Variants in FLG2 observed in about 807,000 individuals in gnomAD.
FLG2 encodes the protein filaggrin-2.
FLG2 carries 7 observed loss-of-function variants against 3.9 expected under a neutral mutation model. That is an observed-to-expected ratio of 1.79 (90% CI 1.02 to 3.36). The LOEUF (loss-of-function observed/expected upper bound fraction) is 3.36. FLG2 is among the 30% of genes most tolerant of loss of function. The pLI, the probability that FLG2 is intolerant of heterozygous loss-of-function variation, is 0.00. For missense variants in FLG2, 2,700 were observed against 2,809.4 expected (o/e 0.96, Z 0.88); for synonymous variants, 1,031 against 1,056.1 (o/e 0.98, Z 0.46).
rs757790108 is a variant in FLG2 at position 152,352,247 on chromosome 1, TA to T, written c.5538del (p.Thr1847LeufsTer555). ...SESIVDERHG[T>X]THGQTGDTSG... Reference sequence around the variant, plus strand: ...CTGGTATCTCCTGTCTGTCCATGAGTAGTTCCATGTCTCTCGTCAACTATGG... The same window carrying T: ...CTGGTATCTCCTGTCTGTCCATGAGTGTTCCATGTCTCTCGTCAACTATGG... On this transcript the variant is annotated frameshift_variant, in exon 3 of 3. Coordinates refer to ENST00000388718, the MANE Select transcript of FLG2 (RefSeq NM_001014342.3). LOFTEE classifies it low-confidence loss of function (END_TRUNC). The T allele has an allele frequency of 6.2e-7, 1 of 1,613,882 alleles. No homozygotes were observed. The highest frequency in any genetic ancestry group is 2.2e-5 in the East Asian group (1 of 44,854).
At position 152,350,025 on chromosome 1, in the gene FLG2, T is replaced by A. The variant is rs985544919; in HGVS notation, c.*585A>T. On this transcript the variant is annotated 3_prime_UTR_variant, in exon 3 of 3. Transcript: ENST00000388718. The stretch of plus-strand genomic sequence containing the variant: ...TATCATTTGATTGGCCATGGCTGTA[T>A]ACTTGTCTTTCATTGGTACTGAATC... 10 of 157,520 alleles carry A rather than the reference T, an allele frequency of 6.3e-5. No individual in the cohort carries two copies. The highest frequency in any genetic ancestry group is 2.4e-4 in the African/African-American group (10 of 41,476). 9.8% of individuals were successfully genotyped at this position (157,520 alleles called of 1,614,324 possible). A position where few individuals can be genotyped will look rare whatever the true frequency, so the allele number is the denominator to read the frequency against.
rs1225694337 is a variant in FLG2 at position 152,352,746 on chromosome 1, T to C, written c.5040A>G (p.Gln1680=). 6.2e-7 allele frequency: 1 copy of C among 1,609,578 alleles called. No homozygotes were observed. Among genetic ancestry groups the C allele is most frequent in the African/African-American group, 1.3e-5 (1 of 74,820 alleles). ...TGHTHGQAGS[Q]HGQSESIVPE... is the part of the protein sequence containing the mutation. ...GAACTATGGATTCTGACTGTCCATGTTGAGATCCAGCTTGACCATGAGTGT... is the reference window on the plus strand; with the variant it reads ...GAACTATGGATTCTGACTGTCCATGCTGAGATCCAGCTTGACCATGAGTGT... Residue 1680 remains glutamine, a synonymous_variant, in exon 3 of 3, where the codon CAA becomes CAG. Transcript: ENST00000388718.
rs961111246 is a variant in FLG2 at position 152,356,260 on chromosome 1, C to A, written c.1526G>T (p.Gly509Val). 60 of 1,612,950 alleles carry A rather than the reference C, an allele frequency of 3.7e-5. No individual in the cohort carries two copies. The highest frequency in any genetic ancestry group is 4.7e-5 in the Non-Finnish European group (56 of 1,179,730). ...SGQSSGFGQH[G>V]SVSGQSSGFG... is the part of the protein sequence containing the mutation. ...ACCAGAGGATTGTCCTGAGACAGACCCATGCTGTCCAAAGCCAGAGGACTG... is the reference window on the plus strand; with the variant it reads ...ACCAGAGGATTGTCCTGAGACAGACACATGCTGTCCAAAGCCAGAGGACTG... Residue 509 changes from glycine to valine, a missense_variant, in exon 3 of 3, where the codon GGG becomes GTG. Physicochemically the swap from Gly to Val is moderately radical, Grantham distance 109. Coordinates refer to ENST00000388718, the MANE Select transcript of FLG2 (RefSeq NM_001014342.3).
At chr1:152,358,939 C>A in intron 1 of FLG2, 33 bp from the exon 2 acceptor site, 1 of 1,536,542 alleles carries the variant, frequency 6.5e-7, no homozygotes, top group South Asian at 1.3e-5. Flanking sequence ...CCCTATTATT[C>A]ATATTCTCTC....
At chr1:152,357,792 C>T in intron 2 of FLG2, 145 bp from the exon 3 acceptor site, 1 of 626,244 alleles carries the variant, frequency 1.6e-6, no homozygotes, top group Non-Finnish European at 2.8e-6. Flanking sequence ...TTAATAGAAC[C>T]CAGTAAATGT....
chr1:152,359,260 G>A (rs1188132660), intron 1 of FLG2, among the ~76,000 whole-genome samples: 2 of 152,122 alleles, frequency 1.3e-5, no homozygotes, highest in South Asian at 2.1e-4. Flanking sequence ...TCCAGAACCA[G>A]CCAGACACCA....
Position 152,354,344 on chromosome 1 carries a change from A to T in FLG2, c.3442T>A (p.Ser1148Thr), listed in dbSNP as rs1654103584. The change falls in exon 3 of 3, where the codon TCA (serine) becomes ACA (threonine). Residue 1148 changes from serine (S) to threonine (T), a missense_variant. Transcript: ENST00000388718. Reference protein sequence around the residue: ...SSGFAQHEYRSGQSSYGQHGT... With the variant: ...SSGFAQHEYRTGQSSYGQHGT... Reference sequence around the variant, plus strand: ...TGTTGGCCATAGCTAGACTGACCTGATCTGTACTCATGCTGTGCAAAGCCA... The same window carrying T: ...TGTTGGCCATAGCTAGACTGACCTGTTCTGTACTCATGCTGTGCAAAGCCA... The T allele has an allele frequency of 6.2e-7, 1 of 1,613,918 alleles. No homozygotes were observed. The highest frequency in any genetic ancestry group is 1.3e-5 in the African/African-American group (1 of 74,860).
chr1:152,352,014 T>C lies in FLG2; in HGVS notation c.5772A>G (p.Gly1924=). The part of the protein sequence containing the change: ...TVHKRHQTTH[G]QTGDTTEHGH... ...CATGTTCAGTGGTATCTCCTGTCTG[T>C]CCATGAGTAGTTTGGTGTCTCTTGT... is the stretch of plus-strand genomic sequence containing the variant. The change falls in exon 3 of 3, where the codon GGA becomes GGG. Residue 1924 remains glycine, a synonymous_variant. Coordinates refer to ENST00000388718, the MANE Select transcript of FLG2 (RefSeq NM_001014342.3). 1 of 1,613,974 alleles carries C rather than the reference T, an allele frequency of 6.2e-7. No individual in the cohort carries two copies. The highest frequency in any genetic ancestry group is 8.5e-7 in the Non-Finnish European group (1 of 1,179,972).
Position 152,351,208 on chromosome 1 carries a change from G to C in FLG2, c.6578C>G (p.Ser2193Ter). The change falls in exon 3 of 3, where the codon TCA (serine) becomes TGA (stop). Residue 2193 changes from serine (S) to a stop codon, truncating the protein, a stop_gained. Coordinates refer to ENST00000388718, the MANE Select transcript of FLG2 (RefSeq NM_001014342.3). LOFTEE classifies it low-confidence loss of function (END_TRUNC). ...GTGAGTGTGTCCTGAATGTGTGGGTGAGGCCTCTGAGTGCACTTCACTATC... is the reference window on the plus strand; with the variant it reads ...GTGAGTGTGTCCTGAATGTGTGGGTCAGGCCTCTGAGTGCACTTCACTATC... ...SSDSEVHSEA[S>*]PTHSGHTHSQ... 6.2e-7 allele frequency: 1 copy of C among 1,613,800 alleles called. No individual in the cohort carries two copies. The highest frequency in any genetic ancestry group is 8.5e-7 in the Non-Finnish European group (1 of 1,179,962).
Position 152,353,069 on chromosome 1 carries a change from T to A in FLG2, c.4717A>T (p.Arg1573Ter). 5 of 1,600,870 alleles carry A rather than the reference T, an allele frequency of 3.1e-6. No homozygotes were observed. The highest frequency in any genetic ancestry group is 4.3e-6 in the Non-Finnish European group (5 of 1,174,466). Residue 1573 changes from arginine (R) to a stop codon, truncating the protein, a stop_gained, in exon 3 of 3, where the codon AGA becomes TGA. Coordinates refer to ENST00000388718, the MANE Select transcript of FLG2 (RefSeq NM_001014342.3). LOFTEE classifies it low-confidence loss of function (END_TRUNC). ...TCAGTGGACTCACTGTGGCTAGTTC[T>A]CTGTCTTCCAGTTGTCCTGGACCCT... ...QTGSRTTGRQ[R>*]TSHSESTDSE...
In FLG2 at chr1:152,353,537, T is replaced by A; in HGVS notation, c.4249A>T (p.Thr1417Ser). 6.2e-7 allele frequency: 1 copy of A among 1,613,522 alleles called. No homozygotes were observed. Among genetic ancestry groups the A allele is most frequent in the East Asian group, 2.2e-5 (1 of 44,820 alleles). ...CTATGGCCAGATCCCCTTCTTCCAG[T>A]TGTCCTGGACCCTCTCTGTGTGGAC... is the stretch of plus-strand genomic sequence containing the variant. ...GQSTQRGSRT[T>S]GRRGSGHSES... The change falls in exon 3 of 3, where the codon ACT becomes TCT. Residue 1417 changes from threonine to serine, a missense_variant. Coordinates refer to ENST00000388718, the MANE Select transcript of FLG2 (RefSeq NM_001014342.3).
chr1:152,351,630 G>A lies in FLG2; in HGVS notation c.6156C>T (p.Gly2052=), dbSNP rs140460426. 1.5e-3 allele frequency: 2,374 copies of A among 1,605,658 alleles called. 52 individuals are homozygous for A. The African/African-American group carries it at 0.029, about 20-fold the overall frequency. The part of the protein sequence containing the change: ...VSHTHSGHAH[G]QAGSQHGESG... ...ACTCTCCATGTTGAGATCCGGCTTG[G>A]CCATGAGCGTGTCCTGAATGTGTGT... Residue 2052 remains glycine (G), a synonymous_variant, in exon 3 of 3, where the codon GGC becomes GGT. Transcript: ENST00000388718.
Position 152,351,452 on chromosome 1 carries a change from C to T in FLG2, c.6334G>A (p.Glu2112Lys), listed in dbSNP as rs1653917273. 1 of 1,613,106 alleles carries T rather than the reference C, an allele frequency of 6.2e-7. No individual in the cohort carries two copies. The highest frequency in any genetic ancestry group is 1.3e-5 in the African/African-American group (1 of 74,698). Residue 2112 changes from glutamate (E) to lysine (K), a missense_variant, in exon 3 of 3, where the codon GAA (glutamate) becomes AAA (lysine). By Grantham distance (56) the Glu-to-Lys change is moderately conservative (BLOSUM62 1). Transcript: ENST00000388718. ...GTGTGTGAGACCCCTGAGTGCACTTCACTGTCACTGGACTCACTGTGGCCA... is the reference window on the plus strand; with the variant it reads ...GTGTGTGAGACCCCTGAGTGCACTTTACTGTCACTGGACTCACTGTGGCCA... ...GSGHSESSDS[E>K]VHSGVSHTHS... is the part of the protein sequence containing the mutation.
In FLG2 at chr1:152,356,062, C is replaced by T; in HGVS notation, c.1724G>A (p.Gly575Asp). 1.9e-6 allele frequency: 3 copies of T among 1,613,916 alleles called. No individual in the cohort carries two copies. The highest frequency in any genetic ancestry group is 1.7e-5 in the Admixed American group (1 of 60,000). The change falls in exon 3 of 3, where the codon GGT (glycine) becomes GAT (aspartate). Residue 575 changes from glycine (G) to aspartate (D), a missense_variant. Gly to Asp is a moderately conservative substitution (Grantham distance 94). Coordinates refer to ENST00000388718, the MANE Select transcript of FLG2 (RefSeq NM_001014342.3). ...SGFGQHGLGS[G>D]QSTGFGQYGS... is the part of the protein sequence containing the mutation. ...ATATTGGCCAAAGCCAGTGGATTGA[C>T]CTGAGCCCAACCCATGTTGTCCAAA...
Position 152,354,709 on chromosome 1 carries a change from C to A in FLG2, c.3077G>T (p.Gly1026Val), listed in dbSNP as rs755371427. The change falls in exon 3 of 3, where the codon GGA (glycine) becomes GTA (valine). Residue 1026 changes from glycine to valine, a missense_variant. By Grantham distance (109) the Gly-to-Val change is moderately radical. Coordinates refer to ENST00000388718, the MANE Select transcript of FLG2 (RefSeq NM_001014342.3). ...GSSSGQTTGF[G>V]QHRSSSGQYS... is the part of the protein sequence containing the mutation. ...TTGGCCTGAGCTTGACCTGTGTTGT[C>A]CAAAGCCAGTTGTCTGTCCTGAACT... The A allele has an allele frequency of 1.2e-6, 2 of 1,613,796 alleles. No individual in the cohort carries two copies. The highest frequency in any genetic ancestry group is 2.2e-5 in the East Asian group (1 of 44,854).
intron 2 of FLG2, among the ~76,000 whole-genome samples, chr1:152,357,858 G>A (rs879611362): frequency 1.3e-5 from 2 of 152,150 alleles, no homozygotes; most frequent in Admixed American, 6.6e-5. Context: ...ACATTTCAAG[G>A]ATTTAGGCTA....
chr1:152,349,686 T>C lies in FLG2; in HGVS notation c.*924A>G, dbSNP rs1362544197. On this transcript the variant is annotated 3_prime_UTR_variant, in exon 3 of 3. Coordinates refer to ENST00000388718, the MANE Select transcript of FLG2 (RefSeq NM_001014342.3). ...TTGGCTTCTTATTCAAAGTAATAACTCCTTTGTTCTTGGACATATTCATAG... is the reference window on the plus strand; with the variant it reads ...TTGGCTTCTTATTCAAAGTAATAACCCCTTTGTTCTTGGACATATTCATAG... The C allele has an allele frequency of 6.6e-6, 1 of 152,658 alleles. No individual in the cohort carries two copies. Among genetic ancestry groups the C allele is most frequent in the East Asian group, 1.9e-4 (1 of 5,200 alleles). 9.5% of individuals were successfully genotyped at this position (152,658 alleles called of 1,614,324 possible).
chr1:152,354,535 C>T lies in FLG2; in HGVS notation c.3251G>A (p.Ser1084Asn), dbSNP rs1222886997. The change falls in exon 3 of 3, where the codon AGT becomes AAT. Residue 1084 changes from serine (S) to asparagine (N), a missense_variant. Coordinates refer to ENST00000388718, the MANE Select transcript of FLG2 (RefSeq NM_001014342.3). ...ATGTTGACCATAGCCAGATGATTGA[C>T]TTGAGCCAGAACCATGTTGGCCATA... ...SSYGQHGSGSSQSSGYGQHGS... is the reference protein window; with the variant it reads ...SSYGQHGSGSNQSSGYGQHGS... The T allele has an allele frequency of 8.7e-6, 14 of 1,613,862 alleles. No homozygotes were observed. Among genetic ancestry groups the T allele is most frequent in the Non-Finnish European group, 1.0e-5 (12 of 1,180,000 alleles).
chr1:152,357,180 T>C lies in FLG2; in HGVS notation c.606A>G (p.Val202=). The part of the protein sequence containing the change: ...GGKDRHGSSS[V]ELRERINKSH... Reference sequence around the variant, plus strand: ...ACTTGTTTATTCTTTCTCTCAGTTCTACAGAGCTGGAACCATGTCTGTCTT... The same window carrying C: ...ACTTGTTTATTCTTTCTCTCAGTTCCACAGAGCTGGAACCATGTCTGTCTT... The change falls in exon 3 of 3, where the codon GTA becomes GTG. Residue 202 remains valine (V), a synonymous_variant. Transcript: ENST00000388718. The C allele has an allele frequency of 3.7e-6, 6 of 1,614,216 alleles. No homozygotes were observed. Among genetic ancestry groups the C allele is most frequent in the Non-Finnish European group, 5.1e-6 (6 of 1,180,024 alleles).
Sources: allele counts gnomAD v4.1 joint callset (sites outside exome capture counted in the v4.1 genomes callset), GRCh38; gene constraint gnomAD v4.1.1; transcripts MANE v1.5; gene names NCBI Gene and HGNC (gene_info 2026-07-23, HGNC 2026-07-21).